MYO3A: variants seen among roughly 807,000 people sequenced by gnomAD.
MYO3A encodes myosin IIIA, also known as myosin-IIIa.
Under a neutral mutation model 192.7 loss-of-function variants are expected in MYO3A, and 180 were observed. The ratio of observed to expected loss-of-function variants is 0.93; its 90% CI spans 0.83 to 1.06. MYO3A has a LOEUF of 1.06. MYO3A is among the 50% of genes least tolerant of loss of function. MYO3A has a pLI of 0.00. For synonymous variants in MYO3A, 628 were observed against 645.3 expected (o/e 0.97, Z 0.41); for missense variants, 1,896 against 1,905.0 (o/e 1.00, Z 0.09).
chr10:26,116,376 C>G (rs1421616183), intron 17 of MYO3A, among the ~76,000 whole-genome samples: 1 of 152,192 alleles, frequency 6.6e-6, no homozygotes, highest in East Asian at 1.9e-4. Flanking sequence ...TTGTGTGTGT[C>G]TGTCTTTTCA....
intron 23 of MYO3A, among the ~76,000 whole-genome samples, chr10:26,150,029 CGTGTGT>C (rs35589117): frequency 0.046 from 6,946 of 149,474 alleles, 197 homozygotes; most frequent in Non-Finnish European, 0.07. Context: ...GAATAGTATT[CGTGTGT>C]GTGTGTGTGT....
rs184366273 is a variant in MYO3A at position 25,982,023 on chromosome 10, G to A, written c.304-14467G>A. Among the ~76,000 whole-genome samples the A allele has an allele frequency of 3.6e-3, 546 of 152,298 alleles. 3 individuals are homozygous for A. The highest frequency in any genetic ancestry group is 5.9e-3 in the Non-Finnish European group (398 of 68,024). ...CTCAGCCCTGGTTACCAGCTGCCTGGAAATAGACTGGGTGCTGTTGATGGG... is the reference window on the plus strand; with the variant it reads ...CTCAGCCCTGGTTACCAGCTGCCTGAAAATAGACTGGGTGCTGTTGATGGG... On this transcript the variant is annotated intron_variant, in intron 4 of 34. Transcript: ENST00000642920.
intron 4 of MYO3A, among the ~76,000 whole-genome samples, chr10:25,957,651 T>A (rs1837642053): frequency 6.6e-6 from 1 of 152,196 alleles, no homozygotes; most frequent in Non-Finnish European, 1.5e-5. Flanking sequence ...TGTTTTTAGT[T>A]CTTTGAGGAA....
intron 20 of MYO3A, among the ~76,000 whole-genome samples, chr10:26,128,754 T>C (rs1052761123): frequency 2.0e-5 from 3 of 152,202 alleles, no homozygotes; most frequent in African/African-American, 7.2e-5. Flanking sequence ...ATGTCCTCCA[T>C]TGAAAATCGG....
chr10:25,949,370 T>C (rs180904757), intron 2 of MYO3A, among the ~76,000 whole-genome samples: 13 of 152,250 alleles, frequency 8.5e-5, no homozygotes, highest in Admixed American at 2.6e-4. Flanking sequence ...TTCCATGTAA[T>C]GAATGTTTCT....
chr10:26,021,463 G>C (rs1466645387), intron 7 of MYO3A, 40 bp from the exon 8 acceptor site: 1 of 1,604,986 alleles, frequency 6.2e-7, no homozygotes, highest in South Asian at 1.1e-5. Context: ...GCTTGTTAAA[G>C]TCACAAATTT....
intron 18 of MYO3A, among the ~76,000 whole-genome samples, chr10:26,124,201 A>C (rs1355174725): frequency 9.2e-5 from 14 of 151,854 alleles, no homozygotes; most frequent in Non-Finnish European, 4.4e-5. Flanking sequence ...AAAAAAAAAA[A>C]AAAAAAAAAC....
At chr10:26,053,834 AAAAG>A (rs1437801183) in intron 10 of MYO3A, among the ~76,000 whole-genome samples, 1 of 152,196 alleles carries the variant, frequency 6.6e-6, no homozygotes, top group African/African-American at 2.4e-5. Flanking sequence ...CAAAAAAAGA[AAAAG>A]AAATGAAAGA....
intron 19 of MYO3A, among the ~76,000 whole-genome samples, chr10:26,127,207 C>T (rs1047692159): frequency 6.6e-6 from 1 of 152,038 alleles, no homozygotes; most frequent in African/African-American, 2.4e-5. Context: ...AAATATTGCA[C>T]GCTTATGATT....
intron 4 of MYO3A, among the ~76,000 whole-genome samples, chr10:25,991,437 C>T (rs1311221293): frequency 6.6e-6 from 1 of 152,080 alleles, no homozygotes; most frequent in Non-Finnish European, 1.5e-5. Flanking sequence ...GAGTAGATTG[C>T]AAAAATTTTC....
At position 26,067,166 on chromosome 10, in the gene MYO3A, T is replaced by C. The variant is rs373727051; in HGVS notation, c.1053+92T>C. 2.0e-5 allele frequency: 16 copies of C among 815,064 alleles called. No homozygotes were observed. In the Admixed American group the frequency reaches 2.4e-4, roughly 12 times the overall value. 50.5% of individuals were successfully genotyped at this position (815,064 alleles called of 1,614,324 possible). ...TATTGGTAGAAGGGGAAGGAATATATAGATTATGATGGTTATTAAGAATCT... is the reference window on the plus strand; with the variant it reads ...TATTGGTAGAAGGGGAAGGAATATACAGATTATGATGGTTATTAAGAATCT... On this transcript the variant is annotated intron_variant, in intron 11 of 34. Transcript: ENST00000642920.
intron 31 of MYO3A, among the ~76,000 whole-genome samples, chr10:26,190,065 AAAAT>A (rs1281088045): frequency 0.025 from 3,772 of 150,672 alleles, 145 homozygotes; most frequent in African/African-American, 0.089. Flanking sequence ...TCCATCTCAA[AAAAT>A]AAAAATAAAA....
chr10:26,070,473 A>G, intron 14 of MYO3A, 72 bp downstream of exon 14: 14 of 1,271,382 alleles, frequency 1.1e-5, no homozygotes, highest in Non-Finnish European at 1.6e-5. Context: ...AACTGATTAG[A>G]TTAATATTCT....
At chr10:26,149,136 T>C (rs1294708004) in intron 23 of MYO3A, among the ~76,000 whole-genome samples, 1 of 152,108 alleles carries the variant, frequency 6.6e-6, no homozygotes, top group Non-Finnish European at 1.5e-5. Context: ...GATTTTTTCA[T>C]AGAAGCCCTT....
intron 22 of MYO3A, among the ~76,000 whole-genome samples, chr10:26,147,123 G>A (rs960588803): frequency 1.3e-5 from 2 of 152,110 alleles, no homozygotes; most frequent in Non-Finnish European, 2.9e-5. Flanking sequence ...CCTTTATGCT[G>A]CTCCATCCCT....
chr10:26,125,116 A>G (rs1839135918), intron 18 of MYO3A, among the ~76,000 whole-genome samples: 1 of 152,212 alleles, frequency 6.6e-6, no homozygotes, highest in South Asian at 2.1e-4. Context: ...GACATCACAT[A>G]AACAACCACT....
chr10:25,956,176 T>G (rs1023716660), intron 4 of MYO3A, among the ~76,000 whole-genome samples: 1 of 152,200 alleles, frequency 6.6e-6, no homozygotes, highest in African/African-American at 2.4e-5. Flanking sequence ...GATGCCTTCA[T>G]GGCCTAATTA....
At chr10:25,981,620 A>G (rs140512395) in intron 4 of MYO3A, among the ~76,000 whole-genome samples, 1 of 152,340 alleles carries the variant, frequency 6.6e-6, no homozygotes, top group Non-Finnish European at 1.5e-5. Context: ...AAAATGAACA[A>G]AAAATTGGAT....
intron 10 of MYO3A, among the ~76,000 whole-genome samples, chr10:26,051,213 A>G (rs1349342748): frequency 6.6e-6 from 1 of 152,200 alleles, no homozygotes. Context: ...AACATCACGT[A>G]ATATTCTTTA....
Sources: gnomAD v4.1 joint callset for allele counts (sites outside exome capture counted in the v4.1 genomes callset) on GRCh38, gnomAD v4.1.1 for gene constraint, MANE v1.5 for transcripts, NCBI Gene and HGNC (gene_info 2026-07-23, HGNC 2026-07-21) for gene names.